GALNTL6: variants seen among roughly 807,000 people sequenced by gnomAD.
The protein encoded by GALNTL6 is polypeptide N-acetylgalactosaminyltransferase-like 6.
In GALNTL6, 46 loss-of-function variants were observed where a neutral mutation model predicts 73.7. That is an observed-to-expected ratio of 0.62 (90% CI 0.49 to 0.80). GALNTL6 has a LOEUF of 0.80. Ranked by LOEUF, GALNTL6 falls within the 30% of genes least tolerant of loss-of-function variation. The probability of loss-of-function intolerance (pLI) is 0.00; values close to 1 mark genes in which losing one functional copy is unlikely to be tolerated. For missense variants in GALNTL6, 604 were observed against 755.0 expected (o/e 0.80, Z 2.34); for synonymous variants, 259 against 263.7 (o/e 0.98, Z 0.17).
At chr4:172,948,038 A>G (rs1749259024) in intron 9 of GALNTL6, among the ~76,000 whole-genome samples, 1 of 152,226 alleles carries the variant, frequency 6.6e-6, no homozygotes, top group Admixed American at 6.5e-5. Flanking sequence ...TTTCCAGAAT[A>G]CTGACCTCAG....
chr4:172,093,420 G>A (rs770387997), intron 2 of GALNTL6, among the ~76,000 whole-genome samples: 1 of 151,772 alleles, frequency 6.6e-6, no homozygotes, highest in Admixed American at 6.6e-5. Flanking sequence ...TCCTCATACC[G>A]TATAACATTT....
intron 2 of GALNTL6, among the ~76,000 whole-genome samples, chr4:172,190,404 T>C (rs761879008): frequency 1.3e-5 from 2 of 152,166 alleles, no homozygotes; most frequent in Non-Finnish European, 2.9e-5. Context: ...GGATACCAAA[T>C]GTGCATTACA....
chr4:172,793,147 T>G (rs1172057153), intron 5 of GALNTL6, among the ~76,000 whole-genome samples: 1 of 152,226 alleles, frequency 6.6e-6, no homozygotes, highest in Non-Finnish European at 1.5e-5. Context: ...TCACGGGATA[T>G]TCAAAGAGAA....
At chr4:172,021,724 T>C (rs1741407045) in intron 2 of GALNTL6, among the ~76,000 whole-genome samples, 1 of 151,942 alleles carries the variant, frequency 6.6e-6, no homozygotes, top group South Asian at 2.1e-4. Context: ...AAAGAGTTTG[T>C]TTCTAGCATA....
Position 172,651,640 on chromosome 4 carries a change from A to G in GALNTL6, c.554-157721A>G, listed in dbSNP as rs556215228. ...TCATATATAACAAACCATACATTGT[A>G]AGTTGTCATTGATTATGACACATTA... On this transcript the variant is annotated intron_variant, in intron 5 of 12. Transcript: ENST00000506823. Among the ~76,000 whole-genome samples the G allele has an allele frequency of 4.6e-5, 7 of 152,378 alleles. No homozygotes were observed. The East Asian group carries it at 1.3e-3, about 29-fold the overall frequency.
At chr4:171,955,237 C>A (rs1739006395) in intron 2 of GALNTL6, among the ~76,000 whole-genome samples, 1 of 152,058 alleles carries the variant, frequency 6.6e-6, no homozygotes, top group African/African-American at 2.4e-5. Context: ...AAGAAACTTT[C>A]TTTGGTCTCT....
intron 3 of GALNTL6, among the ~76,000 whole-genome samples, chr4:172,287,453 CTG>C (rs1045416004): frequency 1.3e-5 from 2 of 152,184 alleles, no homozygotes; most frequent in Admixed American, 1.3e-4. Context: ...AAAATAGACA[CTG>C]TTTTATTTAT....
At chr4:172,394,860 T>G (rs1743794882) in intron 5 of GALNTL6, among the ~76,000 whole-genome samples, 1 of 152,192 alleles carries the variant, frequency 6.6e-6, no homozygotes, top group Non-Finnish European at 1.5e-5. Context: ...TTTAGCATGA[T>G]GTATTTGGTC....
chr4:172,320,386 G>T (rs1578951989), intron 4 of GALNTL6, among the ~76,000 whole-genome samples: 1 of 152,272 alleles, frequency 6.6e-6, no homozygotes, highest in South Asian at 2.1e-4. Flanking sequence ...GATTTTGCCT[G>T]AGAGAGAAGC....
At position 172,230,157 on chromosome 4, in the gene GALNTL6, T is replaced by C. The variant is rs1445293248; in HGVS notation, c.247+393T>C. 2.0e-5 allele frequency among the ~76,000 whole-genome samples: 3 copies of C among 152,022 alleles called. No individual in the cohort carries two copies. The East Asian group carries it at 5.8e-4, about 29-fold the overall frequency. Reference sequence around the variant, plus strand: ...ATGCAAAGTATTTAATTTGTACCAATGTTTCTAGACACTGGCGGGACGTAC... The same window carrying C: ...ATGCAAAGTATTTAATTTGTACCAACGTTTCTAGACACTGGCGGGACGTAC... On this transcript the variant is annotated intron_variant, in intron 3 of 12. Coordinates refer to ENST00000506823, the MANE Select transcript of GALNTL6 (RefSeq NM_001034845.3).
chr4:171,889,426 C>T (rs1251619742), intron 2 of GALNTL6, among the ~76,000 whole-genome samples: 1 of 151,890 alleles, frequency 6.6e-6, no homozygotes, highest in Non-Finnish European at 1.5e-5. Flanking sequence ...CTTATGTTAG[C>T]CATACAAACT....
intron 5 of GALNTL6, among the ~76,000 whole-genome samples, chr4:172,467,521 A>G (rs1026376438): frequency 8.5e-5 from 13 of 152,118 alleles, no homozygotes; most frequent in Non-Finnish European, 1.6e-4. Context: ...GGTTTGTCAC[A>G]TGGCAGTGTC....
At chr4:171,969,084 C>T (rs1050095548) in intron 2 of GALNTL6, among the ~76,000 whole-genome samples, 1 of 152,090 alleles carries the variant, frequency 6.6e-6, no homozygotes, top group Non-Finnish European at 1.5e-5. Flanking sequence ...ATCTGCCTGC[C>T]TCAGCATCCC....
intron 2 of GALNTL6, among the ~76,000 whole-genome samples, chr4:172,223,567 T>C (rs1052715385): frequency 1.3e-5 from 2 of 152,092 alleles, no homozygotes; most frequent in Non-Finnish European, 2.9e-5. Flanking sequence ...CTTCACCTTA[T>C]CTTTCTTGGT....
intron 5 of GALNTL6, among the ~76,000 whole-genome samples, chr4:172,598,100 T>C (rs1737929951): frequency 6.6e-6 from 1 of 152,092 alleles, no homozygotes; most frequent in South Asian, 2.1e-4. Flanking sequence ...CCTGGTCTTA[T>C]TGCATGACAA....
chr4:172,427,381 G>A (rs1579061771), intron 5 of GALNTL6, among the ~76,000 whole-genome samples: 1 of 152,018 alleles, frequency 6.6e-6, no homozygotes, highest in Non-Finnish European at 1.5e-5. Flanking sequence ...TCTCTATTAC[G>A]AGAACAGCAT....
intron 2 of GALNTL6, among the ~76,000 whole-genome samples, chr4:172,190,595 A>G (rs1308442557): frequency 1.3e-5 from 2 of 152,184 alleles, no homozygotes; most frequent in Non-Finnish European, 2.9e-5. Flanking sequence ...AGTACACAGG[A>G]AAAAATGGGA....
chr4:172,412,276 A>G (rs1744473463), intron 5 of GALNTL6, among the ~76,000 whole-genome samples: 1 of 152,154 alleles, frequency 6.6e-6, no homozygotes, highest in Non-Finnish European at 1.5e-5. Flanking sequence ...TTCTGGCCTC[A>G]AGCCATCCAC....
chr4:172,590,007 G>A (rs1737572771), intron 5 of GALNTL6, among the ~76,000 whole-genome samples: 1 of 152,106 alleles, frequency 6.6e-6, no homozygotes, highest in Non-Finnish European at 1.5e-5. Flanking sequence ...TAGAGGAAGG[G>A]GACTCAGAGG....
Sources: gnomAD v4.1 joint callset for allele counts (sites outside exome capture counted in the v4.1 genomes callset) on GRCh38, gnomAD v4.1.1 for gene constraint, MANE v1.5 for transcripts, NCBI Gene and HGNC (gene_info 2026-07-23, HGNC 2026-07-21) for gene names.